CLASP1: variants seen among roughly 807,000 people sequenced by gnomAD.
CLASP1 encodes cytoplasmic linker associated protein 1, also known as CLIP-associating protein 1.
In CLASP1, 38 loss-of-function variants were observed where a neutral mutation model predicts 192.3. That is an observed-to-expected ratio of 0.20 (90% confidence interval 0.15 to 0.26). The LOEUF is 0.26. CLASP1 is among the 10% of genes least tolerant of loss of function. The probability of loss-of-function intolerance (pLI) is 1.00; values close to 1 mark genes in which losing one functional copy is unlikely to be tolerated. For synonymous variants in CLASP1, 691 were observed against 712.8 expected (o/e 0.97, Z 0.49); for missense variants, 1,433 against 1,932.5 (o/e 0.74, Z 4.85).
chr2:121,352,544 T>C (rs1442177380), intron 37 of CLASP1, among the ~76,000 whole-genome samples: 3 of 152,236 alleles, frequency 2.0e-5, no homozygotes, highest in Admixed American at 6.5e-5. Flanking sequence ...TAGATGAGCA[T>C]ATTCTCAGCC....
Position 121,622,726 on chromosome 2 carries a change from T to C in CLASP1, c.-285-16546A>G, listed in dbSNP as rs753500023. Among the ~76,000 whole-genome samples the C allele has an allele frequency of 1.2e-3, 184 of 152,324 alleles. 2 individuals carry two copies. Among genetic ancestry groups the C allele is most frequent in the Admixed American group, 2.0e-3 (31 of 15,298 alleles). Reference sequence around the variant, plus strand: ...TAACAATAAAATTAATTTCTGTATATTGATCCCGTATTCTGCAACTTTGAG... The same window carrying C: ...TAACAATAAAATTAATTTCTGTATACTGATCCCGTATTCTGCAACTTTGAG... On this transcript the variant is annotated intron_variant, in intron 1 of 39. Transcript: ENST00000263710.
At chr2:121,377,600 A>C (rs2070553082) in exon 34 of CLASP1, 1 of 1,594,308 alleles carries the variant, frequency 6.3e-7, no homozygotes, top group African/African-American at 1.3e-5. Flanking sequence ...CCACGTAGAG[A>C]ACTATAGATT....
In CLASP1 at chr2:121,522,542, A is replaced by C. The variant is rs535731805; in HGVS notation, c.546+3303T>G. On this transcript the variant is annotated intron_variant, in intron 6 of 39. Transcript: ENST00000263710. ...ATTTTCTATCTTATTTTAAAAAACT[A>C]TCTCTCTGCTTCTTCATAAATCATT... is the stretch of plus-strand genomic sequence containing the variant. Among the ~76,000 whole-genome samples the C allele has an allele frequency of 1.4e-4, 22 of 152,380 alleles. 1 individual carries two copies. The South Asian group carries it at 3.9e-3, about 27-fold the overall frequency.
At chr2:121,428,498 A>C (rs914426432) in intron 20 of CLASP1, among the ~76,000 whole-genome samples, 6 of 152,190 alleles carry the variant, frequency 3.9e-5, no homozygotes, top group African/African-American at 1.4e-4. Context: ...CATATGTATG[A>C]GTCAAATATC....
At chr2:121,638,324 C>T (rs1003057705) in intron 1 of CLASP1, among the ~76,000 whole-genome samples, 1 of 151,902 alleles carries the variant, frequency 6.6e-6, no homozygotes, top group African/African-American at 2.4e-5. Context: ...CAGAAAATGA[C>T]ATGTGTTGGT....
At chr2:121,504,887 A>T (rs996779942) in intron 7 of CLASP1, 1 of 152,228 alleles carries the variant, frequency 6.6e-6, no homozygotes, top group Non-Finnish European at 1.5e-5. Context: ...ATAAAACTCC[A>T]ATTGCCACCT....
Position 121,407,759 on chromosome 2 carries a change from G to C in CLASP1, c.2425-44C>G, listed in dbSNP as rs773570659. 6.8e-6 allele frequency: 11 copies of C among 1,612,220 alleles called. No homozygotes were observed. The African/African-American group carries it at 1.2e-4, about 18-fold the overall frequency. ...GATGGGAGTGATTGAGGAAGAAATA[G>C]AAAGGTGAAATGACTGTGAGTCACA... On this transcript the variant is annotated intron_variant, in intron 24 of 39. Transcript: ENST00000263710.
intron 37 of CLASP1, among the ~76,000 whole-genome samples, chr2:121,360,830 C>T (rs1213034921): frequency 6.6e-6 from 1 of 152,178 alleles, no homozygotes; most frequent in African/African-American, 2.4e-5. Flanking sequence ...AAGTCAGTAA[C>T]AGCAGCATGG....
chr2:121,613,443 C>T (rs562426331), intron 1 of CLASP1, among the ~76,000 whole-genome samples: 19 of 152,192 alleles, frequency 1.2e-4, no homozygotes, highest in African/African-American at 4.1e-4. Context: ...TTTAAAAATA[C>T]CAACTTCAAC....
At chr2:121,566,713 A>G (rs1376915413) in intron 2 of CLASP1, among the ~76,000 whole-genome samples, 1 of 152,210 alleles carries the variant, frequency 6.6e-6, no homozygotes, top group Admixed American at 6.5e-5. Flanking sequence ...CAAATGCTCA[A>G]ACTAGTACCC....
intron 8 of CLASP1, among the ~76,000 whole-genome samples, chr2:121,502,604 A>G (rs1405781825): frequency 6.6e-6 from 1 of 152,198 alleles, no homozygotes; most frequent in Non-Finnish European, 1.5e-5. Flanking sequence ...GAGCAAAGAG[A>G]AATTTCACAA....
At chr2:121,444,917 A>G in intron 19 of CLASP1, 2 of 1,350,506 alleles carry the variant, frequency 1.5e-6, no homozygotes, top group Non-Finnish European at 2.0e-6. Context: ...ACACACCTCA[A>G]TCACAGAAAC....
intron 30 of CLASP1, among the ~76,000 whole-genome samples, chr2:121,394,604 G>A (rs1228383671): frequency 1.3e-5 from 2 of 152,176 alleles, no homozygotes; most frequent in Non-Finnish European, 2.9e-5. Context: ...AATCTTGGCT[G>A]GGCGCAGTGG....
intron 2 of CLASP1, among the ~76,000 whole-genome samples, chr2:121,600,192 T>A (rs2063635285): frequency 6.6e-6 from 1 of 152,310 alleles, no homozygotes; most frequent in South Asian, 2.1e-4. Context: ...ATGGAACCAG[T>A]ATTTGTTGAG....
At chr2:121,438,951 A>T (rs2082781289) in intron 19 of CLASP1, among the ~76,000 whole-genome samples, 2 of 150,598 alleles carry the variant, frequency 1.3e-5, no homozygotes, top group Admixed American at 6.6e-5. Context: ...CTGTGAATCC[A>T]TCTGGTCCTG....
At chr2:121,582,695 C>G (rs772074051) in intron 2 of CLASP1, among the ~76,000 whole-genome samples, 2 of 151,888 alleles carry the variant, frequency 1.3e-5, no homozygotes, top group Non-Finnish European at 2.9e-5. Flanking sequence ...CTAAGGTAGT[C>G]AAAATTATTC....
intron 10 of CLASP1, 36 bp from the exon 11 acceptor site, chr2:121,461,229 C>T (rs1411225498): frequency 8.7e-7 from 1 of 1,150,942 alleles, no homozygotes; most frequent in Non-Finnish European, 1.3e-6. Flanking sequence ...AATATAAAAA[C>T]ATGCAGAATA....
chr2:121,648,906 C>A (rs1388400858), intron 1 of CLASP1, among the ~76,000 whole-genome samples: 7 of 152,206 alleles, frequency 4.6e-5, no homozygotes, highest in African/African-American at 1.7e-4. Flanking sequence ...CGCCCGCCTC[C>A]CGGCACCCCT....
chr2:121,610,853 A>AGGTGTT, intron 1 of CLASP1, among the ~76,000 whole-genome samples: 1 of 147,798 alleles, frequency 6.8e-6, no homozygotes, highest in South Asian at 2.2e-4. Flanking sequence ...CTGGAGGAGG[A>AGGTGTT]GGAGGAGTTA....
Sources: allele counts gnomAD v4.1 joint callset (sites outside exome capture counted in the v4.1 genomes callset), GRCh38; gene constraint gnomAD v4.1.1; transcripts MANE v1.5; gene names NCBI Gene and HGNC (gene_info 2026-07-23, HGNC 2026-07-21).